ACR: variants seen among roughly 807,000 people sequenced by gnomAD.
The protein encoded by ACR is acrosin light and heavy chain prepropeptide.
ACR carries 17 observed loss-of-function variants against 26.0 expected under a neutral mutation model. The ratio of observed to expected loss-of-function variants is 0.65; its 90% CI spans 0.45 to 0.98. ACR has a LOEUF of 0.98. ACR is among the 50% of genes least tolerant of loss of function. The pLI is 0.00. For missense variants in ACR, 435 were observed against 519.3 expected (o/e 0.84, Z 1.58); for synonymous variants, 199 against 207.7 (o/e 0.96, Z 0.36).
intron 3 of ACR, among the ~76,000 whole-genome samples, chr22:50,742,766 G>A (rs1044325592): frequency 3.3e-5 from 5 of 152,328 alleles, no homozygotes; most frequent in Middle Eastern, 3.4e-3. Context: ...CGAGCCCTAT[G>A]CACGTCACTC....
At chr22:50,743,216 T>C (rs1456090320) in intron 3 of ACR, among the ~76,000 whole-genome samples, 2 of 151,716 alleles carry the variant, frequency 1.3e-5, no homozygotes, top group Non-Finnish European at 2.9e-5. Flanking sequence ...TTTGTATTTT[T>C]AGTAGAGACG....
intron 3 of ACR, among the ~76,000 whole-genome samples, chr22:50,742,078 G>A (rs1290637443): frequency 6.6e-6 from 1 of 152,050 alleles, no homozygotes; most frequent in Non-Finnish European, 1.5e-5. Flanking sequence ...GAAGGTTGCA[G>A]TGAGCCAAGA....
At chr22:50,743,099 C>A (rs532493903) in intron 3 of ACR, among the ~76,000 whole-genome samples, 5 of 151,092 alleles carry the variant, frequency 3.3e-5, no homozygotes, top group Non-Finnish European at 7.4e-5. Flanking sequence ...GCAGTGGCGC[C>A]ATCTCGGCTC....
chr22:50,740,154 T>C lies in ACR; in HGVS notation c.565+177T>C, dbSNP rs571003230. The stretch of plus-strand genomic sequence containing the variant: ...CCCCTGTGCCAGGTCACGTGATGGG[T>C]GACTCGTCTGGCTGTCTACGGGGGG... On this transcript the variant is annotated intron_variant, in intron 3 of 4. Coordinates refer to ENST00000216139, the MANE Select transcript of ACR (RefSeq NM_001097.3). 6.1e-6 allele frequency: 5 copies of C among 814,600 alleles called. No individual in the cohort carries two copies. The African/African-American group carries it at 6.7e-5, about 11-fold the overall frequency. 50.5% of individuals were successfully genotyped at this position (814,600 alleles called of 1,614,324 possible). A position where few individuals can be genotyped will look rare whatever the true frequency, so the allele number is the denominator to read the frequency against.
intron 3 of ACR, among the ~76,000 whole-genome samples, chr22:50,741,848 T>A (rs1331313055): frequency 2.0e-5 from 3 of 151,324 alleles, no homozygotes; most frequent in Non-Finnish European, 4.4e-5. Flanking sequence ...AGCCCAGGTG[T>A]CGGCTGGGTG....
Position 50,744,925 on chromosome 22 carries a change from C to T in ACR, c.984C>T (p.Phe328=), listed in dbSNP as rs753600221. The T allele has an allele frequency of 2.6e-6, 4 of 1,555,776 alleles. No individual in the cohort carries two copies. In the South Asian group the frequency reaches 4.6e-5, roughly 18 times the overall value. The change falls in exon 5 of 5, where the codon TTC becomes TTT. Residue 328 remains phenylalanine (F), a synonymous_variant. Transcript: ENST00000216139. ...HPISAHLPWY[F]QPPPRPLPPR... ...TCTCTGCTCACCTTCCTTGGTATTT[C>T]CAACCGCCCCCTCGACCACTTCCAC...
intron 3 of ACR, 108 bp downstream of exon 3, chr22:50,740,085 C>A: frequency 2.1e-6 from 3 of 1,396,324 alleles, no homozygotes; most frequent in South Asian, 1.2e-5. Context: ...TTTCATCCTC[C>A]TCACGGCGCT....
chr22:50,744,325 T>C, intron 4 of ACR, 119 bp downstream of exon 4: 1 of 809,102 alleles, frequency 1.2e-6, no homozygotes, highest in East Asian at 2.6e-5. Flanking sequence ...CCAGGGCCCT[T>C]CTCTAGTGAC....
At chr22:50,738,387 G>A in intron 1 of ACR, 75 bp downstream of exon 1, 7 of 1,473,734 alleles carry the variant, frequency 4.7e-6, no homozygotes, top group Non-Finnish European at 6.6e-6. Flanking sequence ...TCTGTCCAGG[G>A]CTAGGGAAAA....
At chr22:50,744,309 C>T (rs1362133963) in intron 4 of ACR, 103 bp downstream of exon 4, 8 of 944,410 alleles carry the variant, frequency 8.5e-6, no homozygotes. Context: ...ATCTCCACTG[C>T]TCTGCCCAGG....
intron 3 of ACR, among the ~76,000 whole-genome samples, chr22:50,742,232 G>C (rs1414110891): frequency 2.0e-5 from 3 of 152,034 alleles, no homozygotes; most frequent in Non-Finnish European, 2.9e-5. Context: ...TCAAGACTAT[G>C]GGCTCTGCCC....
At position 50,744,194 on chromosome 22, in the gene ACR, C is replaced by T. The variant is rs145267492; in HGVS notation, c.699C>T (p.Ile233=). 26 of 1,613,496 alleles carry T rather than the reference C, an allele frequency of 1.6e-5. No individual in the cohort carries two copies. Among genetic ancestry groups the T allele is most frequent in the African/African-American group, 1.3e-4 (10 of 74,776 alleles). Residue 233 remains isoleucine (I), a synonymous_variant, in exon 4 of 5, where the codon ATC becomes ATT. Transcript: ENST00000216139. ...NVCAGYPVGK[I]DTCQGDSGGP... ...GCGCGGGGTATCCTGTAGGCAAGAT[C>T]GACACCTGCCAGGTAACCTTCCTTC...
chr22:50,743,421 C>A (rs1161306199), intron 3 of ACR: 1 of 152,548 alleles, frequency 6.6e-6, no homozygotes, highest in East Asian at 1.9e-4. Flanking sequence ...GGAGGCGCTG[C>A]CCCGAGCTTC....
intron 3 of ACR, among the ~76,000 whole-genome samples, chr22:50,741,393 C>A (rs796967961): frequency 2.1e-4 from 32 of 151,992 alleles, no homozygotes; most frequent in African/African-American, 6.8e-4. Context: ...CTCTGTCCAG[C>A]CCCCTAGCCT....
chr22:50,739,581 G>A lies in ACR; in HGVS notation c.281+107G>A. The A allele has an allele frequency of 1.3e-6, 2 of 1,566,042 alleles. No homozygotes were observed. The highest frequency in any genetic ancestry group is 1.7e-6 in the Non-Finnish European group (2 of 1,149,166). On this transcript the variant is annotated intron_variant, in intron 2 of 4. Transcript: ENST00000216139. This position sits in a 1 kb window ranked among gnomAD's most constrained non-coding sequence, Gnocchi z 5.5. ...TCTCCCTGGGGCTCTGGGCCAAGTGGCTGCAAGACTCCGGGGGCTGGTCCA... is the reference window on the plus strand; with the variant it reads ...TCTCCCTGGGGCTCTGGGCCAAGTGACTGCAAGACTCCGGGGGCTGGTCCA...
chr22:50,744,178 A>G lies in ACR; in HGVS notation c.683A>G (p.Tyr228Cys). 6.2e-7 allele frequency: 1 copy of G among 1,613,688 alleles called. No homozygotes were observed. The highest frequency in any genetic ancestry group is 8.5e-7 in the Non-Finnish European group (1 of 1,179,758). Residue 228 changes from tyrosine (Y) to cysteine (C), a missense_variant, in exon 4 of 5, where the codon TAT (tyrosine) becomes TGT (cysteine). Coordinates refer to ENST00000216139, the MANE Select transcript of ACR (RefSeq NM_001097.3). ...RVQPTNVCAG[Y>C]PVGKIDTCQG... is the part of the protein sequence containing the mutation. ...CAGCCAACCAATGTGTGCGCGGGGT[A>G]TCCTGTAGGCAAGATCGACACCTGC...
At chr22:50,738,739 T>A (rs543015385) in intron 1 of ACR, among the ~76,000 whole-genome samples, 3 of 151,702 alleles carry the variant, frequency 2.0e-5, no homozygotes, top group Non-Finnish European at 4.4e-5. Flanking sequence ...ATATGTGGCC[T>A]CCCACCCGTG....
intron 3 of ACR, among the ~76,000 whole-genome samples, chr22:50,741,257 C>T (rs1375367963): frequency 1.3e-5 from 2 of 152,188 alleles, no homozygotes; most frequent in Admixed American, 6.5e-5. Context: ...TCCTGTCCCT[C>T]AGGGAAGGGA....
intron 1 of ACR, 110 bp downstream of exon 1, chr22:50,738,422 C>A (rs1017195092): frequency 1.3e-5 from 14 of 1,096,184 alleles, no homozygotes; most frequent in Middle Eastern, 2.8e-4. Context: ...TAACCTGGAC[C>A]CCCCCTGCTC....
Sources: gnomAD v4.1 joint callset for allele counts (sites outside exome capture counted in the v4.1 genomes callset) on GRCh38, gnomAD v4.1.1 for gene constraint, Gnocchi (gnomAD v3.1) non-coding constraint, MANE v1.5 for transcripts, NCBI Gene and HGNC (gene_info 2026-07-23, HGNC 2026-07-21) for gene names.